Variants in CNIH3 observed in about 807,000 individuals in gnomAD.
CNIH3 encodes protein cornichon homolog 3.
A neutral mutation model predicts 24.1 loss-of-function variants in CNIH3; 14 were observed. The ratio of observed to expected loss-of-function variants is 0.58; its 90% confidence interval spans 0.38 to 0.91. CNIH3 has a LOEUF of 0.91. CNIH3 is among the 40% of genes least tolerant of loss of function. The pLI, the probability that CNIH3 is intolerant of heterozygous loss-of-function variation, is 0.00. For missense variants in CNIH3, 178 were observed against 196.8 expected, an observed-to-expected ratio of 0.90 and a Z score of 0.57; for synonymous variants, 68 against 73.8, an observed-to-expected ratio of 0.92 and a Z score of 0.40.
chr1:224,666,890 A>G (rs1019754219), intron 1 of CNIH3, among the ~76,000 whole-genome samples: 2 of 152,198 alleles, frequency 1.3e-5, no homozygotes, highest in South Asian at 2.1e-4. Context: ...TGTCACGTGC[A>G]TGCGGTTGAC....
intron 1 of CNIH3, among the ~76,000 whole-genome samples, chr1:224,510,497 T>C (rs900218665): frequency 1.3e-5 from 2 of 149,534 alleles, no homozygotes; most frequent in Non-Finnish European, 3.0e-5. Context: ...AGCTGAGAGC[T>C]GAGGCAGGAG....
At chr1:224,597,963 AC>A (rs1455497316) in intron 3 of CNIH3, among the ~76,000 whole-genome samples, 1 of 152,130 alleles carries the variant, frequency 6.6e-6, no homozygotes, top group Non-Finnish European at 1.5e-5. Flanking sequence ...ATTGAAGGAC[AC>A]CCAGCGAGAG....
chr1:224,590,707 C>A (rs985773126), downstream of CNIH3, among the ~76,000 whole-genome samples: 1 of 152,156 alleles, frequency 6.6e-6, no homozygotes, highest in African/African-American at 2.4e-5. Flanking sequence ...CATCTTCCAA[C>A]ACTATTGCAT....
intron 1 of CNIH3, among the ~76,000 whole-genome samples, chr1:224,625,428 C>T (rs553421179): frequency 2.6e-5 from 4 of 151,964 alleles, no homozygotes; most frequent in Non-Finnish European, 5.9e-5. Flanking sequence ...TGGTGGTGGG[C>T]GCCTATAGTC....
intron 3 of CNIH3, among the ~76,000 whole-genome samples, chr1:224,555,949 C>T (rs981671605): frequency 1.2e-4 from 18 of 152,194 alleles, no homozygotes; most frequent in African/African-American, 3.6e-4. Flanking sequence ...GTTGTAAAGA[C>T]CTTCCTGCCG....
At chr1:224,624,769 G>A (rs572718146) in intron 1 of CNIH3, among the ~76,000 whole-genome samples, 2 of 152,208 alleles carry the variant, frequency 1.3e-5, no homozygotes, top group Admixed American at 6.5e-5. Context: ...GGTTTCTCTC[G>A]CTTTCAAAGT....
At chr1:224,558,816 C>T (rs757732598) in intron 3 of CNIH3, among the ~76,000 whole-genome samples, 7 of 152,232 alleles carry the variant, frequency 4.6e-5, no homozygotes, top group Non-Finnish European at 7.3e-5. Flanking sequence ...CCTTTTCCTA[C>T]TTCACATTTT....
chr1:224,444,706 G>A (rs888994909), intron 1 of CNIH3, among the ~76,000 whole-genome samples: 9 of 151,140 alleles, frequency 6.0e-5, no homozygotes, highest in Non-Finnish European at 1.3e-4. Context: ...GTGCAGTAGC[G>A]CGATCTCGGC....
At chr1:224,552,141 A>T (rs759936240) in intron 3 of CNIH3, among the ~76,000 whole-genome samples, 1 of 151,514 alleles carries the variant, frequency 6.6e-6, no homozygotes, top group Non-Finnish European at 1.5e-5. Context: ...GATATTACAA[A>T]TAATATCACA....
chr1:224,470,836 T>C (rs1676340045), intron 1 of CNIH3, among the ~76,000 whole-genome samples: 1 of 152,098 alleles, frequency 6.6e-6, no homozygotes, highest in African/African-American at 2.4e-5. Context: ...ACATAGTAGG[T>C]ATGTATATTT....
chr1:224,721,587 A>G (rs917357677), intron 3 of CNIH3, among the ~76,000 whole-genome samples: 2 of 152,218 alleles, frequency 1.3e-5, no homozygotes, highest in African/African-American at 4.8e-5. Flanking sequence ...AGAAACTGGC[A>G]GAGGCTTTTG....
At chr1:224,587,871 G>T (rs1372598180) in intron 5 of CNIH3, among the ~76,000 whole-genome samples, 3 of 151,914 alleles carry the variant, frequency 2.0e-5, no homozygotes, top group Admixed American at 1.3e-4. Context: ...GAGCCAGGAG[G>T]TCAAGGCCTT....
chr1:224,687,058 G>A (rs192622296), intron 3 of CNIH3, among the ~76,000 whole-genome samples: 7 of 152,246 alleles, frequency 4.6e-5, no homozygotes, highest in Admixed American at 3.3e-4. Flanking sequence ...GGAAAATACC[G>A]GGGAGAAAAG....
chr1:224,632,740 T>G (rs969730714), intron 1 of CNIH3, among the ~76,000 whole-genome samples: 8 of 152,124 alleles, frequency 5.3e-5, no homozygotes, highest in African/African-American at 1.9e-4. Flanking sequence ...TGGAATAATT[T>G]TTCTTACAGG....
chr1:224,661,201 T>C (rs1009990933), intron 1 of CNIH3: 2 of 269,468 alleles, frequency 7.4e-6, no homozygotes, highest in Admixed American at 3.9e-5. Context: ...CTGCTGCTCC[T>C]CACCATGTAT....
chr1:224,536,220 C>A (rs562437785), intron 2 of CNIH3, among the ~76,000 whole-genome samples: 7 of 151,632 alleles, frequency 4.6e-5, no homozygotes, highest in African/African-American at 1.7e-4. Context: ...CCCTTTCAAG[C>A]CTATTTGCAT....
chr1:224,607,176 T>C (rs1194187214), intron 3 of CNIH3, among the ~76,000 whole-genome samples: 1 of 152,242 alleles, frequency 6.6e-6, no homozygotes, highest in Admixed American at 6.5e-5. Flanking sequence ...TCCACACAGC[T>C]GGACTGGCCC....
intron 1 of CNIH3, among the ~76,000 whole-genome samples, chr1:224,679,168 AT>A (rs1025308747): frequency 6.0e-5 from 9 of 150,282 alleles, no homozygotes; most frequent in South Asian, 2.1e-4. Flanking sequence ...AAATATAAAA[AT>A]TTTTTTTTTG....
intron 3 of CNIH3, among the ~76,000 whole-genome samples, chr1:224,724,724 G>A (rs893944835): frequency 3.9e-5 from 6 of 152,194 alleles, no homozygotes; most frequent in Non-Finnish European, 5.9e-5. Context: ...TGAGAGGCAG[G>A]CTGTTGAAAC....
Sources: gnomAD v4.1 joint callset for allele counts (sites outside exome capture counted in the v4.1 genomes callset) on GRCh38, gnomAD v4.1.1 for gene constraint, MANE v1.5 for transcripts, NCBI Gene and HGNC (gene_info 2026-07-23, HGNC 2026-07-21) for gene names.